GRID2: variants seen among roughly 807,000 people sequenced by gnomAD.
GRID2 encodes the protein glutamate receptor ionotropic, delta-2.
A neutral mutation model predicts 114.8 loss-of-function variants in GRID2; 33 were observed. That is an observed-to-expected ratio of 0.29 (90% CI 0.22 to 0.38). GRID2 has a LOEUF of 0.38. GRID2 is among the 10% of genes least tolerant of loss of function. The probability of loss-of-function intolerance (pLI) is 1.00; values close to 1 mark genes in which losing one functional copy is unlikely to be tolerated. For synonymous variants in GRID2, 505 were observed against 449.9 expected, an observed-to-expected ratio of 1.12 and a Z score of -1.55; for missense variants, 1,184 against 1,257.7, an observed-to-expected ratio of 0.94 and a Z score of 0.89.
chr4:92,941,572 G>C (rs934294957), intron 2 of GRID2, among the ~76,000 whole-genome samples: 27 of 152,188 alleles, frequency 1.8e-4, no homozygotes, highest in African/African-American at 5.3e-4. Context: ...ATTTCCTTCA[G>C]TTCTGCTCTG....
intron 2 of GRID2, among the ~76,000 whole-genome samples, chr4:93,030,676 C>T (rs577286155): frequency 4.6e-5 from 7 of 152,026 alleles, no homozygotes; most frequent in Admixed American, 2.6e-4. Flanking sequence ...TGAGACACCA[C>T]GCCCAGCTAG....
intron 8 of GRID2, among the ~76,000 whole-genome samples, chr4:93,376,896 G>C (rs1385983535): frequency 1.3e-5 from 2 of 152,122 alleles, no homozygotes; most frequent in Non-Finnish European, 2.9e-5. Context: ...GTGATGGGTT[G>C]ATAAGTGCAG....
intron 2 of GRID2, among the ~76,000 whole-genome samples, chr4:92,625,973 G>T (rs1579711603): frequency 6.6e-6 from 1 of 151,960 alleles, no homozygotes; most frequent in South Asian, 2.1e-4. Flanking sequence ...TGTTTTACAG[G>T]ATTATACTTA....
At chr4:92,493,971 CAGACAA>C (rs1419096987) in intron 1 of GRID2, among the ~76,000 whole-genome samples, 2 of 152,076 alleles carry the variant, frequency 1.3e-5, no homozygotes, top group Non-Finnish European at 2.9e-5. Flanking sequence ...AAAAGAAATG[CAGACAA>C]AGACAATTAG....
intron 2 of GRID2, among the ~76,000 whole-genome samples, chr4:92,858,521 T>A (rs1278411089): frequency 6.6e-6 from 1 of 152,142 alleles, no homozygotes; most frequent in Non-Finnish European, 1.5e-5. Flanking sequence ...ATTGCTGCAA[T>A]CTTATGATAA....
At chr4:92,796,982 A>G (rs960368887) in intron 2 of GRID2, among the ~76,000 whole-genome samples, 2 of 151,984 alleles carry the variant, frequency 1.3e-5, no homozygotes, top group African/African-American at 4.8e-5. Context: ...TTGCACAGTT[A>G]CAGGGACAGC....
intron 3 of GRID2, among the ~76,000 whole-genome samples, chr4:93,104,647 T>G (rs1454900318): frequency 6.6e-6 from 1 of 152,244 alleles, no homozygotes; most frequent in African/African-American, 2.4e-5. Context: ...TCTTCATTTT[T>G]TATGGCTGCA....
chr4:92,363,077 C>CA (rs1358732030), intron 1 of GRID2, among the ~76,000 whole-genome samples: 1 of 151,986 alleles, frequency 6.6e-6, no homozygotes, highest in Non-Finnish European at 1.5e-5. Context: ...CCTGAGAGGG[C>CA]ATTGCTTTCA....
At chr4:93,786,999 T>C (rs986825579) in intron 1 of GRID2, among the ~76,000 whole-genome samples, 6 of 151,916 alleles carry the variant, frequency 3.9e-5, no homozygotes, top group African/African-American at 1.5e-4. Context: ...GTGAAAACTG[T>C]GCTTCATCTC....
At chr4:92,573,403 T>A (rs190931317) in intron 1 of GRID2, among the ~76,000 whole-genome samples, 3 of 152,296 alleles carry the variant, frequency 2.0e-5, no homozygotes, top group Admixed American at 2.0e-4. Flanking sequence ...GTTGTGATGT[T>A]AGAGTGTCAA....
intron 1 of GRID2, among the ~76,000 whole-genome samples, chr4:93,784,378 T>C (rs1734549595): frequency 6.6e-6 from 1 of 152,134 alleles, no homozygotes; most frequent in Admixed American, 6.6e-5. Flanking sequence ...CAGCTGAGAT[T>C]CCTTCTGGCA....
intron 4 of GRID2, among the ~76,000 whole-genome samples, chr4:93,136,499 A>T (rs1735264531): frequency 6.6e-6 from 1 of 152,194 alleles, no homozygotes; most frequent in South Asian, 2.1e-4. Context: ...ATACTGCCAC[A>T]TTCATTTCAT....
At chr4:93,687,101 A>G (rs1434392285) in intron 14 of GRID2, among the ~76,000 whole-genome samples, 3 of 152,020 alleles carry the variant, frequency 2.0e-5, no homozygotes, top group Non-Finnish European at 4.4e-5. Flanking sequence ...AAGTGTTCAG[A>G]GTCTGGATAT....
At chr4:93,659,319 G>T (rs897983023) in intron 14 of GRID2, among the ~76,000 whole-genome samples, 1 of 152,200 alleles carries the variant, frequency 6.6e-6, no homozygotes, top group African/African-American at 2.4e-5. Context: ...ATATGGACCA[G>T]ATGAATACTG....
At chr4:93,172,972 A>G (rs1375024039) in intron 4 of GRID2, among the ~76,000 whole-genome samples, 1 of 152,162 alleles carries the variant, frequency 6.6e-6, no homozygotes, top group Non-Finnish European at 1.5e-5. Context: ...CTCTTAGGAA[A>G]ACATCACTAA....
intron 2 of GRID2, among the ~76,000 whole-genome samples, chr4:92,942,539 T>A (rs988682453): frequency 2.6e-5 from 4 of 152,196 alleles, no homozygotes; most frequent in African/African-American, 9.7e-5. Flanking sequence ...CCAGACTGTG[T>A]CTTTTAATTG....
intron 1 of GRID2, among the ~76,000 whole-genome samples, chr4:92,317,867 T>G (rs891924415): frequency 3.3e-5 from 5 of 152,280 alleles, no homozygotes; most frequent in Non-Finnish European, 5.9e-5. Flanking sequence ...GGGGTAATGC[T>G]GCTGACAACC....
intron 2 of GRID2, among the ~76,000 whole-genome samples, chr4:93,072,662 A>C (rs529373605): frequency 2.6e-5 from 4 of 152,250 alleles, no homozygotes; most frequent in African/African-American, 7.2e-5. Context: ...TTGAAAAAAA[A>C]AAAGACTCAC....
At chr4:93,303,259 G>A (rs371725150) in intron 8 of GRID2, among the ~76,000 whole-genome samples, 83 of 152,256 alleles carry the variant, frequency 5.5e-4, no homozygotes, top group African/African-American at 1.7e-3. Flanking sequence ...TTTGGGCAGG[G>A]ACATAAATCC....
Sources: gnomAD v4.1 joint callset for allele counts (sites outside exome capture counted in the v4.1 genomes callset) on GRCh38, gnomAD v4.1.1 for gene constraint, MANE v1.5 for transcripts, NCBI Gene and HGNC (gene_info 2026-07-23, HGNC 2026-07-21) for gene names.